OR10A2: variants seen among roughly 807,000 people sequenced by gnomAD.
OR10A2 encodes the protein olfactory receptor family 10 subfamily A member 2, also known as olfactory receptor 10A2.
A neutral mutation model predicts 13.7 loss-of-function variants in OR10A2; 15 were observed. That is an observed-to-expected ratio of 1.10 (90% CI 0.73 to 1.69). The LOEUF is 1.69. Among genes scored for constraint, OR10A2 ranks in the 40% most tolerant of loss-of-function variants. OR10A2 has a pLI of 0.00. For synonymous variants in OR10A2, 145 were observed against 144.7 expected (o/e 1.00, Z -0.02); for missense variants, 343 against 361.1 (o/e 0.95, Z 0.41).
rs147200413 is a variant in OR10A2, at chr11:6,869,754, C to T, written c.-1C>T. The T allele has an allele frequency of 1.1e-4, 183 of 1,613,030 alleles. 1 individual carries two copies. In the African/African-American group the frequency reaches 2.3e-3, roughly 21 times the overall value. ...GGACAAGAATAAGTGAGTTTATCCTCATGAGCTTCTCTTCCCTGCCTACTG... is the reference window on the plus strand; with the variant it reads ...GGACAAGAATAAGTGAGTTTATCCTTATGAGCTTCTCTTCCCTGCCTACTG... On this transcript the variant is annotated 5_prime_UTR_variant, in exon 2 of 2. Transcript: ENST00000641461.
In OR10A2 at chr11:6,869,673, C is replaced by T. The variant is rs1245082038; in HGVS notation, c.-82C>T. On this transcript the variant is annotated 5_prime_UTR_variant, in exon 2 of 2. Coordinates refer to ENST00000641461, the MANE Select transcript of OR10A2 (RefSeq NM_001004460.2). ...GAGAATCTGACTTCCAATCAATAAT[C>T]TTTCTCCATGACCACAGTTGGGGAC... 10 of 1,173,952 alleles carry T rather than the reference C, an allele frequency of 8.5e-6. No homozygotes were observed. Among genetic ancestry groups the T allele is most frequent in the Non-Finnish European group, 1.2e-5 (10 of 809,876 alleles). 72.7% of individuals were successfully genotyped at this position (1,173,952 alleles called of 1,614,324 possible).
intron 1 of OR10A2, among the ~76,000 whole-genome samples, chr11:6,866,904 G>A (rs1056219915): frequency 6.6e-6 from 1 of 151,864 alleles, no homozygotes; most frequent in African/African-American, 2.4e-5. Flanking sequence ...TTCTTCCTCT[G>A]GTACTTCTTT....
Position 6,869,712 on chromosome 11 carries a change from T to G in OR10A2, c.-43T>G. On this transcript the variant is annotated 5_prime_UTR_variant, in exon 2 of 2. An upstream open reading frame in the 5' UTR gains an earlier in-frame stop. Transcript: ENST00000641461. ...ACAGTTGGGGACTTCTGCCCACACTTATAGCTACAGGAAACTGGACAAGAA... is the reference window on the plus strand; with the variant it reads ...ACAGTTGGGGACTTCTGCCCACACTGATAGCTACAGGAAACTGGACAAGAA... The G allele has an allele frequency of 6.5e-7, 1 of 1,544,874 alleles. No homozygotes were observed. The highest frequency in any genetic ancestry group is 8.9e-7 in the Non-Finnish European group (1 of 1,121,870).
chr11:6,873,443 A>C lies in OR10A2; in HGVS notation c.*2777A>C, dbSNP rs1403915943. ...TGTACTGGGGTAGGGGGTAGTCCTT[A>C]GTATGGGTAAAGAATTTGAAGTAAA... On this transcript the variant is annotated 3_prime_UTR_variant, in exon 2 of 2. Coordinates refer to ENST00000641461, the MANE Select transcript of OR10A2 (RefSeq NM_001004460.2). 6.6e-6 allele frequency: 1 copy of C among 152,266 alleles called. No homozygotes were observed. The highest frequency in any genetic ancestry group is 1.5e-5 in the Non-Finnish European group (1 of 68,044). The allele number at this position is 152,266 out of a possible 1,614,324, so 9.4% of individuals were successfully genotyped here. A position where few individuals can be genotyped will look rare whatever the true frequency, so the allele number is the denominator to read the frequency against.
At chr11:6,864,590 T>A (rs1590017431) in intron 1 of OR10A2, among the ~76,000 whole-genome samples, 1 of 152,076 alleles carries the variant, frequency 6.6e-6, no homozygotes, top group Non-Finnish European at 1.5e-5. Context: ...AGATGACTAA[T>A]CCTATCTGGA....
chr11:6,865,312 A>G (rs1848371330), intron 1 of OR10A2, among the ~76,000 whole-genome samples: 1 of 151,462 alleles, frequency 6.6e-6, no homozygotes, highest in Non-Finnish European at 1.5e-5. Flanking sequence ...ATATATTTTT[A>G]AAATTGTAAA....
intron 1 of OR10A2, 50 bp from the exon 2 acceptor site, chr11:6,869,573 C>G: frequency 3.1e-6 from 2 of 643,896 alleles, no homozygotes; most frequent in Non-Finnish European, 2.8e-6. Flanking sequence ...TTAGACAACC[C>G]AAGGCACTTC....
chr11:6,870,468 C>G lies in OR10A2; in HGVS notation c.714C>G (p.Phe238Leu), dbSNP rs759159330. 1.3e-5 allele frequency: 21 copies of G among 1,614,040 alleles called. No homozygotes were observed. Among genetic ancestry groups the G allele is most frequent in the Non-Finnish European group, 1.8e-5 (21 of 1,180,016 alleles). ...CSSHLLVVSLFYISLSLTYFR... is the reference protein window; with the variant it reads ...CSSHLLVVSLLYISLSLTYFR... ...CACACCTCCTTGTTGTCTCTCTTTT[C>G]TATATATCATTAAGCCTCACCTACT... Residue 238 changes from phenylalanine to leucine, a missense_variant, in exon 2 of 2, where the codon TTC becomes TTG. Transcript: ENST00000641461.
At position 6,870,150 on chromosome 11, in the gene OR10A2, T is replaced by C. The variant is rs140942284; in HGVS notation, c.396T>C (p.Ala132=). Residue 132 remains alanine, a synonymous_variant, in exon 2 of 2, where the codon GCT becomes GCC. Transcript: ENST00000641461. ...IMNQRTRAKL[A]AASWFPGFPV... is the part of the protein sequence containing the mutation. ...ACCAAAGGACTCGTGCCAAACTGGCTGCTGCCTCCTGGTTCCCAGGCTTTC... is the reference window on the plus strand; with the variant it reads ...ACCAAAGGACTCGTGCCAAACTGGCCGCTGCCTCCTGGTTCCCAGGCTTTC... 1 of 1,614,244 alleles carries C rather than the reference T, an allele frequency of 6.2e-7. No homozygotes were observed. The highest frequency in any genetic ancestry group is 1.1e-5 in the South Asian group (1 of 91,086).
At chr11:6,866,924 T>C (rs1309441378) in intron 1 of OR10A2, among the ~76,000 whole-genome samples, 3 of 152,138 alleles carry the variant, frequency 2.0e-5, no homozygotes, top group African/African-American at 4.8e-5. Context: ...TGGATATTAT[T>C]TCTACCCCTC....
rs377243242 is a variant in OR10A2, at chr11:6,871,694, G to A, written c.*1028G>A. On this transcript the variant is annotated 3_prime_UTR_variant, in exon 2 of 2. Coordinates refer to ENST00000641461, the MANE Select transcript of OR10A2 (RefSeq NM_001004460.2). Reference sequence around the variant, plus strand: ...TTCAGTCATAGCTTTGCTTTGATGAGAACAAAGCTCCAGAATAAGTCTTCT... The same window carrying A: ...TTCAGTCATAGCTTTGCTTTGATGAAAACAAAGCTCCAGAATAAGTCTTCT... 1 of 152,224 alleles carries A rather than the reference G, an allele frequency of 6.6e-6. No homozygotes were observed. The highest frequency in any genetic ancestry group is 1.9e-4 in the East Asian group (1 of 5,182). The allele number at this position is 152,224 out of a possible 1,614,324, so 9.4% of individuals were successfully genotyped here.
chr11:6,864,663 G>C, intron 1 of OR10A2, among the ~76,000 whole-genome samples: 1 of 151,990 alleles, frequency 6.6e-6, no homozygotes, highest in East Asian at 1.9e-4. Flanking sequence ...GACAGAGGAG[G>C]GGATGTGCAG....
At chr11:6,864,074 C>T (rs1848361835) in intron 1 of OR10A2, among the ~76,000 whole-genome samples, 1 of 152,054 alleles carries the variant, frequency 6.6e-6, no homozygotes, top group East Asian at 1.9e-4. Context: ...GATTGGACAC[C>T]CCTGTTCTAG....
chr11:6,869,554 G>A (rs1175992681), intron 1 of OR10A2, 69 bp from the exon 2 acceptor site: 2 of 607,082 alleles, frequency 3.3e-6, no homozygotes, highest in African/African-American at 3.7e-5. Flanking sequence ...TATTTATTGT[G>A]TTTTATTCTT....
intron 1 of OR10A2, among the ~76,000 whole-genome samples, chr11:6,865,642 TAAG>T (rs1486538025): frequency 1.3e-5 from 2 of 152,144 alleles, no homozygotes; most frequent in African/African-American, 4.8e-5. Context: ...TTAAATAAAT[TAAG>T]AAGATAATTG....
intron 1 of OR10A2, among the ~76,000 whole-genome samples, chr11:6,864,648 A>C (rs1313829569): frequency 6.6e-6 from 1 of 152,118 alleles, no homozygotes; most frequent in Non-Finnish European, 1.5e-5. Flanking sequence ...TGAAGGAGTC[A>C]GCCAGACAGA....
rs1164190208 is a variant in OR10A2 at position 6,870,765 on chromosome 11, T to A, written c.*99T>A. Reference sequence around the variant, plus strand: ...TTTCCACATCTCCAATAAGATGAAGTCCTGTTGCTGAAATGGCTTTTGGAA... The same window carrying A: ...TTTCCACATCTCCAATAAGATGAAGACCTGTTGCTGAAATGGCTTTTGGAA... On this transcript the variant is annotated 3_prime_UTR_variant, in exon 2 of 2. Coordinates refer to ENST00000641461, the MANE Select transcript of OR10A2 (RefSeq NM_001004460.2). The A allele has an allele frequency of 9.8e-6, 10 of 1,022,680 alleles. No individual in the cohort carries two copies. In the Admixed American group the frequency reaches 1.0e-4, roughly 11 times the overall value. The allele number at this position is 1,022,680 out of a possible 1,614,324, so 63.4% of individuals were successfully genotyped here.
At chr11:6,867,960 G>A (rs1201284963) in intron 1 of OR10A2, among the ~76,000 whole-genome samples, 9 of 152,018 alleles carry the variant, frequency 5.9e-5, no homozygotes, top group Non-Finnish European at 1.3e-4. Context: ...ACCTTGCTGA[G>A]GCTGGTCTCA....
At chr11:6,868,624 G>T (rs1848398591) in intron 1 of OR10A2, among the ~76,000 whole-genome samples, 1 of 152,006 alleles carries the variant, frequency 6.6e-6, no homozygotes, top group African/African-American at 2.4e-5. Flanking sequence ...CTTTTACTTT[G>T]TGTCAGTTCT....
Sources: allele counts gnomAD v4.1 joint callset (sites outside exome capture counted in the v4.1 genomes callset), GRCh38; gene constraint gnomAD v4.1.1; transcripts MANE v1.5; gene names NCBI Gene and HGNC (gene_info 2026-07-23, HGNC 2026-07-21).